WDR37: variants seen among roughly 807,000 people sequenced by gnomAD.
WDR37 encodes WD repeat domain 37.
A neutral mutation model predicts 62.9 loss-of-function variants in WDR37; 19 were observed. That is an observed-to-expected ratio of 0.30 (90% CI 0.21 to 0.44). The LOEUF (loss-of-function observed/expected upper bound fraction) is 0.44, where lower values mean the gene tolerates loss of function less well. WDR37 is among the 20% of genes least tolerant of loss of function. The probability of loss-of-function intolerance (pLI) is 1.00; values close to 1 mark genes in which losing one functional copy is unlikely to be tolerated. For synonymous variants in WDR37, 250 were observed against 260.9 expected (o/e 0.96, Z 0.40); for missense variants, 474 against 657.6 (o/e 0.72, Z 3.05).
intron 11 of WDR37, among the ~76,000 whole-genome samples, chr10:1,117,658 G>A (rs2387300): frequency 0.011 from 1,673 of 152,272 alleles, 41 homozygotes; most frequent in East Asian, 0.098. Flanking sequence ...GGAGACAGGT[G>A]GGGGTGTCTG....
chr10:1,074,705 G>A (rs191814186), intron 2 of WDR37, among the ~76,000 whole-genome samples: 97 of 152,356 alleles, frequency 6.4e-4, no homozygotes, highest in African/African-American at 2.3e-3. Context: ...GAGTGGGCTC[G>A]TTCTAGACAG....
In WDR37 at chr10:1,121,856, C is replaced by T. The variant is rs927561153; in HGVS notation, c.1104-2362C>T. Among the ~76,000 whole-genome samples, 3 of 151,832 alleles carry T rather than the reference C, an allele frequency of 2.0e-5. No individual in the cohort carries two copies. The highest frequency in any genetic ancestry group is 4.8e-5 in the African/African-American group (2 of 41,320). On this transcript the variant is annotated intron_variant, in intron 11 of 13. Transcript: ENST00000263150. The surrounding 1 kb of genome is among the most constrained non-coding windows in gnomAD (Gnocchi z 4.5). ...ATGCAGACGTGAAAACGGTCGCCGC[C>T]GCATCATCCTGACTGTGTTCCGGGG...
At chr10:1,073,987 T>C (rs1485961020) in intron 2 of WDR37, among the ~76,000 whole-genome samples, 2 of 152,096 alleles carry the variant, frequency 1.3e-5, no homozygotes, top group Non-Finnish European at 2.9e-5. Context: ...AGGACTCCTG[T>C]GGTGGGGGCA....
intron 7 of WDR37, among the ~76,000 whole-genome samples, chr10:1,092,872 C>CAAAAAAAAAAA (rs56220560): frequency 0.03 from 1,260 of 41,956 alleles, 93 homozygotes; most frequent in Non-Finnish European, 0.041. Context: ...CCCTATCTCA[C>CAAAAAAAAAAA]AAAAAAAAAA....
intron 1 of WDR37, among the ~76,000 whole-genome samples, chr10:1,064,292 G>A (rs1337279432): frequency 2.6e-5 from 4 of 152,236 alleles, no homozygotes; most frequent in South Asian, 2.1e-4. Flanking sequence ...AGTGAGCAGA[G>A]CCTCAGGGGC....
chr10:1,061,306 A>G (rs1282722063), intron 1 of WDR37, among the ~76,000 whole-genome samples: 1 of 152,218 alleles, frequency 6.6e-6, no homozygotes, highest in African/African-American at 2.4e-5. Flanking sequence ...GTAGTTTTAC[A>G]AACACCTGCC....
chr10:1,128,833 G>T (rs1021319592), intron 13 of WDR37, among the ~76,000 whole-genome samples: 1 of 151,376 alleles, frequency 6.6e-6, no homozygotes, highest in African/African-American at 2.4e-5. Context: ...GGCGGTCCAT[G>T]CTCGGTGGTC....
intron 1 of WDR37, among the ~76,000 whole-genome samples, chr10:1,065,911 C>T (rs1263167642): frequency 4.6e-5 from 7 of 151,032 alleles, no homozygotes; most frequent in Admixed American, 4.6e-4. Context: ...TTTTAGATGA[C>T]TTAATAGTTG....
intron 6 of WDR37, among the ~76,000 whole-genome samples, chr10:1,084,775 G>A (rs899536257): frequency 2.0e-5 from 3 of 152,172 alleles, no homozygotes; most frequent in East Asian, 1.9e-4. Context: ...TGGTCCCGTG[G>A]GTGGGTGTCC....
intron 1 of WDR37, among the ~76,000 whole-genome samples, chr10:1,070,742 C>G (rs1014065732): frequency 3.9e-5 from 6 of 152,188 alleles, no homozygotes; most frequent in African/African-American, 1.4e-4. Flanking sequence ...CATTTCATCT[C>G]TGTTAAGAAT....
chr10:1,069,389 A>ATTTTTTTTTTTTTTTTTTTTT (rs377212232), intron 1 of WDR37, among the ~76,000 whole-genome samples: 10 of 95,806 alleles, frequency 1.0e-4, no homozygotes, highest in Non-Finnish European at 1.3e-4. Context: ...ATATATATAT[A>ATTTTTTTTTTTTTTTTTTTTT]TTTTTTTTTT....
intron 11 of WDR37, among the ~76,000 whole-genome samples, chr10:1,114,856 C>G (rs1251361789): frequency 6.6e-6 from 1 of 152,218 alleles, no homozygotes; most frequent in African/African-American, 2.4e-5. Flanking sequence ...AACCCACACG[C>G]AGGCCATTCC....
chr10:1,128,511 A>G (rs897157637), intron 13 of WDR37, among the ~76,000 whole-genome samples: 8 of 152,250 alleles, frequency 5.3e-5, no homozygotes, highest in African/African-American at 1.2e-4. Flanking sequence ...CTTGTTTTAT[A>G]TGACACCAAA....
chr10:1,103,954 C>G lies in WDR37; in HGVS notation c.961+118C>G, dbSNP rs1036705638. The G allele has an allele frequency of 1.0e-6, 1 of 989,272 alleles. No homozygotes were observed. The highest frequency in any genetic ancestry group is 1.5e-6 in the Non-Finnish European group (1 of 679,394). The allele number at this position is 989,272 out of a possible 1,614,324, so 61.3% of individuals were successfully genotyped here. A position where few individuals can be genotyped will look rare whatever the true frequency, so the allele number is the denominator to read the frequency against. On this transcript the variant is annotated intron_variant, in intron 10 of 13. Coordinates refer to ENST00000263150, the MANE Select transcript of WDR37 (RefSeq NM_014023.4). This position sits in a 1 kb window ranked among gnomAD's most constrained non-coding sequence, Gnocchi z 6.3. ...AGAATGAGTCTCTGTGTTCTTGGCT[C>G]TTCTGTGGTAATTTTTGGAGATTCT...
intron 11 of WDR37, among the ~76,000 whole-genome samples, chr10:1,114,837 AG>A (rs1245634397): frequency 3.3e-5 from 5 of 152,198 alleles, no homozygotes; most frequent in Admixed American, 2.0e-4. Context: ...GCACACACCC[AG>A]GGGGCTGAAC....
intron 11 of WDR37, among the ~76,000 whole-genome samples, chr10:1,116,776 G>C (rs1377175408): frequency 6.6e-6 from 1 of 152,176 alleles, no homozygotes; most frequent in East Asian, 1.9e-4. Context: ...TTCAGGGGTG[G>C]TCTTGGGTGT....
intron 9 of WDR37, among the ~76,000 whole-genome samples, chr10:1,099,766 G>A (rs187771433): frequency 6.7e-6 from 1 of 149,900 alleles, no homozygotes; most frequent in East Asian, 2.0e-4. Flanking sequence ...GTGTGGCGGA[G>A]ACGTGAGGAG....
At position 1,067,071 on chromosome 10, in the gene WDR37, C is replaced by T. The variant is rs138597615; in HGVS notation, c.-40-5045C>T. Among the ~76,000 whole-genome samples the T allele has an allele frequency of 3.1e-3, 467 of 152,296 alleles. 1 individual carries two copies. The highest frequency in any genetic ancestry group is 5.0e-3 in the East Asian group (26 of 5,178). On this transcript the variant is annotated intron_variant, in intron 1 of 13. Transcript: ENST00000263150. ...CTGGGGACATAGCCAAACCATATCA[C>T]TGCCGTTGGTGGAAGGATAAATATG...
rs1834904506 is a variant in WDR37 at position 1,103,905 on chromosome 10, G to C, written c.961+69G>C. 6 of 1,486,610 alleles carry C rather than the reference G, an allele frequency of 4.0e-6. No individual in the cohort carries two copies. The South Asian group carries it at 7.2e-5, about 18-fold the overall frequency. 92.1% of individuals were successfully genotyped at this position (1,486,610 alleles called of 1,614,324 possible). On this transcript the variant is annotated intron_variant, in intron 10 of 13. Coordinates refer to ENST00000263150, the MANE Select transcript of WDR37 (RefSeq NM_014023.4). This position sits in a 1 kb window ranked among gnomAD's most constrained non-coding sequence, Gnocchi z 6.3. The stretch of plus-strand genomic sequence containing the variant: ...TAGTTTATGTCCATGGGTTATGTCT[G>C]ACCTTGCCACTTACTTCTTGACCAG...
Sources: allele counts gnomAD v4.1 joint callset (sites outside exome capture counted in the v4.1 genomes callset), GRCh38; gene constraint gnomAD v4.1.1; non-coding constraint Gnocchi (gnomAD v3.1); transcripts MANE v1.5; gene names NCBI Gene and HGNC (gene_info 2026-07-23, HGNC 2026-07-21).